Variants in XYLT1 observed in about 807,000 individuals in gnomAD.
XYLT1 encodes xylosyltransferase 1.
XYLT1 carries 36 observed loss-of-function variants against 91.3 expected under a neutral mutation model. The ratio of observed to expected loss-of-function variants is 0.39; its 90% CI spans 0.30 to 0.52. XYLT1 has a LOEUF of 0.52. Ranked by LOEUF, XYLT1 falls within the 20% of genes least tolerant of loss-of-function variation. The pLI is 0.68. For synonymous variants in XYLT1, 588 were observed against 532.0 expected (o/e 1.11, Z -1.45); for missense variants, 1,242 against 1,284.5 (o/e 0.97, Z 0.51).
intron 3 of XYLT1, among the ~76,000 whole-genome samples, chr16:17,201,072 G>C (rs560648089): frequency 2.2e-4 from 34 of 152,306 alleles, no homozygotes; most frequent in Non-Finnish European, 4.1e-4. Flanking sequence ...TCTTCTAATA[G>C]CATCCAATAT....
chr16:17,453,896 C>T (rs537127267), intron 1 of XYLT1, among the ~76,000 whole-genome samples: 2 of 152,298 alleles, frequency 1.3e-5, no homozygotes, highest in East Asian at 3.9e-4. Context: ...GCACCATTCC[C>T]AAAAGCAACT....
At chr16:17,372,827 T>C (rs925865370) in intron 1 of XYLT1, among the ~76,000 whole-genome samples, 21 of 152,184 alleles carry the variant, frequency 1.4e-4, no homozygotes, top group African/African-American at 4.3e-4. Context: ...TAATGACATA[T>C]ACCTACTTCC....
intron 1 of XYLT1, among the ~76,000 whole-genome samples, chr16:17,426,171 G>A (rs1412440760): frequency 2.0e-5 from 3 of 152,180 alleles, no homozygotes; most frequent in Non-Finnish European, 4.4e-5. Flanking sequence ...CTGTCCTCAT[G>A]GGGTTTATGT....
chr16:17,121,245 A>T (rs922156006), intron 10 of XYLT1, among the ~76,000 whole-genome samples: 5 of 152,244 alleles, frequency 3.3e-5, no homozygotes, highest in African/African-American at 9.6e-5. Flanking sequence ...AGAAATGAGG[A>T]TAAACACTTC....
At chr16:17,304,502 G>A (rs907315433) in intron 2 of XYLT1, among the ~76,000 whole-genome samples, 4 of 152,154 alleles carry the variant, frequency 2.6e-5, no homozygotes, top group African/African-American at 9.7e-5. Flanking sequence ...CGCAGGGGAG[G>A]GTGTTAAAGT....
At chr16:17,139,469 G>C (rs143520392) in intron 7 of XYLT1, among the ~76,000 whole-genome samples, 1 of 152,280 alleles carries the variant, frequency 6.6e-6, no homozygotes, top group Non-Finnish European at 1.5e-5. Context: ...CGGAGCTTTG[G>C]TCACCAGTAT....
intron 1 of XYLT1, among the ~76,000 whole-genome samples, chr16:17,373,713 G>T (rs115533091): frequency 6.6e-6 from 1 of 152,158 alleles, no homozygotes; most frequent in Non-Finnish European, 1.5e-5. Context: ...ACAGATGAGG[G>T]ACCTGGGCTC....
At chr16:17,327,490 G>A (rs1158422491) in intron 2 of XYLT1, among the ~76,000 whole-genome samples, 2 of 149,646 alleles carry the variant, frequency 1.3e-5, no homozygotes, top group Non-Finnish European at 3.0e-5. Flanking sequence ...AGCCTCTGGA[G>A]TAGCTGGGAC....
intron 2 of XYLT1, among the ~76,000 whole-genome samples, chr16:17,291,986 A>C (rs535071991): frequency 6.6e-6 from 1 of 152,144 alleles, no homozygotes; most frequent in East Asian, 1.9e-4. Flanking sequence ...CAGGAGTTCA[A>C]GACCAGCCTG....
At chr16:17,314,848 G>C (rs2034602443) in intron 2 of XYLT1, among the ~76,000 whole-genome samples, 1 of 152,212 alleles carries the variant, frequency 6.6e-6, no homozygotes, top group African/African-American at 2.4e-5. Context: ...TAGAAGCTTA[G>C]CCAAAGAAAA....
Position 17,102,821 on chromosome 16 carries a change from G to A in XYLT1, c.*5874C>T, listed in dbSNP as rs2141470338. ...TTCTGTACAGTTTTATGCATATTAT[G>A]ATCTATAACAAAATAGTTATTTTTA... On this transcript the variant is annotated 3_prime_UTR_variant, in exon 12 of 12. Transcript: ENST00000261381. 1 of 152,390 alleles carries A rather than the reference G, an allele frequency of 6.6e-6. No homozygotes were observed. 9.4% of individuals were successfully genotyped at this position (152,390 alleles called of 1,614,324 possible).
intron 2 of XYLT1, among the ~76,000 whole-genome samples, chr16:17,349,009 G>A (rs1002578288): frequency 2.0e-5 from 3 of 152,190 alleles, no homozygotes; most frequent in African/African-American, 4.8e-5. Flanking sequence ...GCAGCACCAC[G>A]GGCTTCTGCC....
At chr16:17,311,619 C>T (rs913788534) in intron 2 of XYLT1, among the ~76,000 whole-genome samples, 13 of 152,286 alleles carry the variant, frequency 8.5e-5, no homozygotes, top group African/African-American at 2.9e-4. Flanking sequence ...TCTTCAACAA[C>T]GTTGATGCTG....
At chr16:17,250,776 G>T in intron 3 of XYLT1, 1 of 152,452 alleles carries the variant, frequency 6.6e-6, no homozygotes, top group Non-Finnish European at 1.5e-5. Flanking sequence ...AGTTGGAACT[G>T]CAAGGGCCGC....
At chr16:17,341,435 A>T (rs1269748119) in intron 2 of XYLT1, among the ~76,000 whole-genome samples, 3 of 152,236 alleles carry the variant, frequency 2.0e-5, no homozygotes, top group Admixed American at 6.5e-5. Flanking sequence ...AGAGAGGAAA[A>T]GCAAGTTACC....
chr16:17,247,768 T>C (rs1017693574), intron 3 of XYLT1, among the ~76,000 whole-genome samples: 2 of 152,152 alleles, frequency 1.3e-5, no homozygotes, highest in South Asian at 2.1e-4. Context: ...ACTGAGTCTA[T>C]GACATTGCTG....
At chr16:17,354,034 G>A (rs1174432127) in intron 2 of XYLT1, among the ~76,000 whole-genome samples, 2 of 152,150 alleles carry the variant, frequency 1.3e-5, no homozygotes, top group Non-Finnish European at 2.9e-5. Context: ...TCAGTTCTTG[G>A]CAAATGGTAA....
At chr16:17,201,620 A>C (rs986408460) in intron 3 of XYLT1, among the ~76,000 whole-genome samples, 3 of 151,970 alleles carry the variant, frequency 2.0e-5, no homozygotes, top group Admixed American at 6.5e-5. Flanking sequence ...GATTACAGGC[A>C]CGCAACACCA....
rs185848419 is a variant in XYLT1, at chr16:17,442,261, T to G, written c.363+28173A>C. On this transcript the variant is annotated intron_variant, in intron 1 of 11. Coordinates refer to ENST00000261381, the MANE Select transcript of XYLT1 (RefSeq NM_022166.4). ...TCCTTATAATGAAACTGTATGCGTG[T>G]GTCTCATATACATCCCATTGGTTGT... is the stretch of plus-strand genomic sequence containing the variant. Among the ~76,000 whole-genome samples, 352 of 152,326 alleles carry G rather than the reference T, an allele frequency of 2.3e-3. 1 individual carries two copies. The highest frequency in any genetic ancestry group is 2.7e-3 in the Non-Finnish European group (182 of 68,030).
Sources: gnomAD v4.1 joint callset for allele counts (sites outside exome capture counted in the v4.1 genomes callset) on GRCh38, gnomAD v4.1.1 for gene constraint, MANE v1.5 for transcripts, NCBI Gene and HGNC (gene_info 2026-07-23, HGNC 2026-07-21) for gene names.